The following GAS7 variants were observed in gnomAD, a reference collection of about 807,000 sequenced individuals.
GAS7 encodes the protein growth arrest specific 7.
In GAS7, 28 loss-of-function variants were observed where a neutral mutation model predicts 71.1. The observed-to-expected ratio is 0.39, with a 90% confidence interval of 0.29 to 0.54. GAS7 has a LOEUF of 0.54. Among genes scored for constraint, GAS7 ranks in the 20% least tolerant of loss-of-function variants. The pLI is 0.62. For missense variants in GAS7, 436 were observed against 627.8 expected (o/e 0.69, Z 3.27); for synonymous variants, 258 against 245.8 (o/e 1.05, Z -0.46).
intron 9 of GAS7, among the ~76,000 whole-genome samples, chr17:9,928,856 T>A (rs993413513): frequency 1.3e-4 from 20 of 152,174 alleles, no homozygotes; most frequent in African/African-American, 4.8e-4. Context: ...GTAGAGAGAA[T>A]GACAAACTCT....
At chr17:9,998,699 A>AAAGGG (rs573978551) in intron 2 of GAS7, among the ~76,000 whole-genome samples, 5 of 152,004 alleles carry the variant, frequency 3.3e-5, no homozygotes, top group Non-Finnish European at 7.4e-5. Flanking sequence ...AGGAAAAGGA[A>AAAGGG]AAGGGAAGGG....
intron 1 of GAS7, among the ~76,000 whole-genome samples, chr17:10,046,672 G>A (rs1433883233): frequency 1.3e-5 from 2 of 149,354 alleles, no homozygotes; most frequent in Non-Finnish European, 3.0e-5. Flanking sequence ...GGAGTCGGAG[G>A]TTGCAGTGAG....
chr17:10,181,167 C>T (rs932009001), intron 1 of GAS7, among the ~76,000 whole-genome samples: 20 of 151,266 alleles, frequency 1.3e-4, no homozygotes, highest in African/African-American at 4.9e-4. Context: ...CGAGACCATC[C>T]TGGCTAACAC....
At chr17:10,073,202 G>T (rs1178916180) in intron 1 of GAS7, among the ~76,000 whole-genome samples, 3 of 152,200 alleles carry the variant, frequency 2.0e-5, no homozygotes, top group Non-Finnish European at 4.4e-5. Context: ...GTCCCAACAG[G>T]CCGTGTGGCT....
rs533132972 is a variant in GAS7 at position 10,134,062 on chromosome 17, G to A, written c.183+64146C>T. On this transcript the variant is annotated intron_variant, in intron 1 of 13. Transcript: ENST00000432992. ...CTTTTTTTTTTGAGATGGGAGTCTC[G>A]CTCTATCGCCCAGGCTGGAGTCCAG... 3.7e-3 allele frequency among the ~76,000 whole-genome samples: 558 copies of A among 150,530 alleles called. 5 individuals are homozygous for A. Among genetic ancestry groups the A allele is most frequent in the African/African-American group, 0.013 (515 of 40,842 alleles).
intron 1 of GAS7, among the ~76,000 whole-genome samples, chr17:10,124,127 A>C (rs1398611720): frequency 2.0e-5 from 3 of 152,210 alleles, no homozygotes; most frequent in African/African-American, 7.2e-5. Context: ...CGGAGTGGGA[A>C]ACAGAGCCGC....
Position 10,049,910 on chromosome 17 carries a change from GC to G in GAS7, c.184-30014del, listed in dbSNP as rs2073039601. 2.6e-5 allele frequency among the ~76,000 whole-genome samples: 4 copies of G among 152,106 alleles called. No homozygotes were observed. The South Asian group carries it at 8.3e-4, about 32-fold the overall frequency. On this transcript the variant is annotated intron_variant, in intron 1 of 13. Coordinates refer to ENST00000432992, the MANE Select transcript of GAS7 (RefSeq NM_201433.2). ...GTTGGGATTACAGGCGTGAGCCACC[GC>G]GCCCGGTCTGAAATTAGTTTTACAA...
rs75332774 is a variant in GAS7, at chr17:10,159,961, TAG to T, written c.183+38245_183+38246del. ...CCACCACACCTAGCTAATTTTTTTG[TAG>T]AGACAGGGTTTCCCCATATTGCCCA... On this transcript the variant is annotated intron_variant, in intron 1 of 13. Transcript: ENST00000432992. 0.022 allele frequency among the ~76,000 whole-genome samples: 3,404 copies of T among 151,978 alleles called. 315 individuals carry two copies. In the East Asian group the frequency reaches 0.32, roughly 14 times the overall value.
At chr17:9,929,159 G>A (rs1267595636) in intron 9 of GAS7, among the ~76,000 whole-genome samples, 1 of 152,138 alleles carries the variant, frequency 6.6e-6, no homozygotes, top group Non-Finnish European at 1.5e-5. Context: ...TACGACTCCG[G>A]GAATCTGGGA....
At chr17:10,194,425 G>A (rs565750408) in intron 1 of GAS7, among the ~76,000 whole-genome samples, 12 of 152,320 alleles carry the variant, frequency 7.9e-5, no homozygotes, top group Non-Finnish European at 1.5e-4. Context: ...CAGCCACTGG[G>A]CTTGTCCTGG....
At chr17:9,966,425 C>T (rs919798554) in intron 4 of GAS7, among the ~76,000 whole-genome samples, 1 of 152,144 alleles carries the variant, frequency 6.6e-6, no homozygotes, top group Non-Finnish European at 1.5e-5. Context: ...GTCACTGTAA[C>T]CCTGAACATG....
At chr17:10,139,252 A>T (rs1374258426) in intron 1 of GAS7, among the ~76,000 whole-genome samples, 1 of 152,238 alleles carries the variant, frequency 6.6e-6, no homozygotes, top group African/African-American at 2.4e-5. Flanking sequence ...TTAAAACATA[A>T]CTAAATTTCA....
intron 1 of GAS7, among the ~76,000 whole-genome samples, chr17:10,029,898 G>T (rs1597724382): frequency 6.6e-6 from 1 of 151,806 alleles, no homozygotes; most frequent in East Asian, 1.9e-4. Context: ...TATACTAGAA[G>T]AGATCAAGAG....
At chr17:10,009,086 C>T (rs1170056208) in intron 2 of GAS7, among the ~76,000 whole-genome samples, 5 of 151,778 alleles carry the variant, frequency 3.3e-5, no homozygotes, top group African/African-American at 9.7e-5. Context: ...TTTGGGAGGC[C>T]GAGGCGGGCG....
intron 1 of GAS7, among the ~76,000 whole-genome samples, chr17:10,021,749 C>T (rs1021550148): frequency 6.6e-6 from 1 of 152,210 alleles, no homozygotes; most frequent in Non-Finnish European, 1.5e-5. Context: ...TTTACCTGGG[C>T]CCTCTCACTG....
At chr17:10,115,326 C>T (rs1017839789) in intron 1 of GAS7, among the ~76,000 whole-genome samples, 3 of 151,988 alleles carry the variant, frequency 2.0e-5, no homozygotes, top group African/African-American at 4.8e-5. Flanking sequence ...GGTGCACAGG[C>T]GGGGGGAACG....
rs142655915 is a variant in GAS7, at chr17:10,012,761, G to C, written c.304+7016C>G. ...GTATGAAGCGGCGGCACTTTTAGGAGGTGACTAAGTCATGCAGGCTCCACC... is the reference window on the plus strand; with the variant it reads ...GTATGAAGCGGCGGCACTTTTAGGACGTGACTAAGTCATGCAGGCTCCACC... On this transcript the variant is annotated intron_variant, in intron 2 of 13. Coordinates refer to ENST00000432992, the MANE Select transcript of GAS7 (RefSeq NM_201433.2). Among the ~76,000 whole-genome samples, 1,147 of 152,202 alleles carry C rather than the reference G, an allele frequency of 7.5e-3. 7 individuals carry two copies. Among genetic ancestry groups the C allele is most frequent in the Non-Finnish European group, 0.01 (700 of 68,008 alleles).
chr17:10,029,621 A>G (rs886733230), intron 1 of GAS7, among the ~76,000 whole-genome samples: 3 of 152,162 alleles, frequency 2.0e-5, no homozygotes, highest in African/African-American at 7.2e-5. Context: ...TGGGAGTCCA[A>G]GGTAGGGGGA....
At chr17:9,934,291 C>T in intron 8 of GAS7, 47 bp from the exon 9 acceptor site, 7 of 1,338,156 alleles carry the variant, frequency 5.2e-6, no homozygotes, top group Non-Finnish European at 7.5e-6. Flanking sequence ...CAAAGCCCTT[C>T]CTGAGGCAGG....
Sources: gnomAD v4.1 joint callset for allele counts (sites outside exome capture counted in the v4.1 genomes callset) on GRCh38, gnomAD v4.1.1 for gene constraint, MANE v1.5 for transcripts, NCBI Gene and HGNC (gene_info 2026-07-23, HGNC 2026-07-21) for gene names.